Variants in KCNMB3 observed in about 807,000 individuals in gnomAD.
The protein encoded by KCNMB3 is potassium calcium-activated channel subfamily M regulatory beta subunit 3, also known as calcium-activated potassium channel subunit beta-3.
KCNMB3 carries 18 observed loss-of-function variants against 11.9 expected under a neutral mutation model. That is an observed-to-expected ratio of 1.51 (90% CI 1.04 to 2.23). KCNMB3 has a LOEUF of 2.23. Among genes scored for constraint, KCNMB3 ranks in the 30% most tolerant of loss-of-function variants. The pLI is 0.00. For synonymous variants in KCNMB3, 78 were observed against 119.2 expected, an observed-to-expected ratio of 0.65 and a Z score of 2.25; for missense variants, 247 against 329.4, an observed-to-expected ratio of 0.75 and a Z score of 1.94.
At chr3:179,265,368 C>G (rs953116180) in intron 1 of KCNMB3, among the ~76,000 whole-genome samples, 2 of 152,136 alleles carry the variant, frequency 1.3e-5, no homozygotes, top group African/African-American at 4.8e-5. Flanking sequence ...TTTTCCAATT[C>G]TCAGCTCCCA....
intron 1 of KCNMB3, chr3:179,261,325 C>A: frequency 8.3e-7 from 1 of 1,203,126 alleles, no homozygotes. Context: ...GGGACCGTGC[C>A]GGAGCCCCCC....
Position 179,259,440 on chromosome 3 carries a change from T to TC in KCNMB3, c.62+7208dup, listed in dbSNP as rs552145604. ...TAATGTGTCTCTACCAGCTAGTACC[T>TC]CCTCAGCTGCTGTTTTTACATCATT... On this transcript the variant is annotated intron_variant, in intron 1 of 3. Transcript: ENST00000349697. 493 of 1,611,882 alleles carry TC rather than the reference T, an allele frequency of 3.1e-4. 5 individuals are homozygous for TC. In the African/African-American group the frequency reaches 5.8e-3, roughly 19 times the overall value.
intron 1 of KCNMB3, chr3:179,259,740 C>T: frequency 1.3e-6 from 2 of 1,595,706 alleles, no homozygotes; most frequent in South Asian, 1.2e-5. Flanking sequence ...CTTGTTCTTT[C>T]TCTTCTGCAA....
upstream of KCNMB3, among the ~76,000 whole-genome samples, chr3:179,255,908 A>G (rs1260770918): frequency 6.6e-6 from 1 of 152,256 alleles, no homozygotes; most frequent in Non-Finnish European, 1.5e-5. Flanking sequence ...AATATTATCA[A>G]TATACTGAGA....
chr3:179,266,623 C>G, intron 1 of KCNMB3: 1 of 1,613,578 alleles, frequency 6.2e-7, no homozygotes, highest in Non-Finnish European at 8.5e-7. Flanking sequence ...TTCCCACTAC[C>G]GGCAGAGCTT....
chr3:179,242,048 A>G (rs534004396), downstream of KCNMB3: 4 of 154,088 alleles, frequency 2.6e-5, no homozygotes, highest in East Asian at 7.7e-4. Context: ...TAGTAACTCT[A>G]AACTTAGTGA....
At chr3:179,261,762 A>G (rs1354179117) in intron 1 of KCNMB3, among the ~76,000 whole-genome samples, 2 of 152,218 alleles carry the variant, frequency 1.3e-5, no homozygotes, top group Non-Finnish European at 2.9e-5. Flanking sequence ...TCATGAGGGT[A>G]AATAGCTAAT....
At chr3:179,264,090 T>G (rs1726306509) in intron 1 of KCNMB3, among the ~76,000 whole-genome samples, 1 of 152,102 alleles carries the variant, frequency 6.6e-6, no homozygotes, top group Non-Finnish European at 1.5e-5. Context: ...ATAGGCATAA[T>G]CCACCGCACC....
intron 1 of KCNMB3, among the ~76,000 whole-genome samples, chr3:179,263,722 T>G (rs573545341): frequency 1.8e-4 from 28 of 152,170 alleles, no homozygotes; most frequent in African/African-American, 6.7e-4. Context: ...CTTGGTTTGC[T>G]GGGTTAATCC....
upstream of KCNMB3, chr3:179,267,039 G>T: frequency 1.7e-6 from 1 of 595,856 alleles, no homozygotes; most frequent in Non-Finnish European, 2.2e-6. Flanking sequence ...TTCCGCCTCG[G>T]CAGCCGGGAG....
chr3:179,254,779 C>A (rs1034570584), upstream of KCNMB3, among the ~76,000 whole-genome samples: 1 of 151,900 alleles, frequency 6.6e-6, no homozygotes, highest in African/African-American at 2.4e-5. Context: ...TCCAGCCTAG[C>A]GACAGAGCAA....
upstream of KCNMB3, among the ~76,000 whole-genome samples, chr3:179,256,070 A>G (rs532336452): frequency 7.2e-4 from 110 of 152,368 alleles, 2 homozygotes; most frequent in Middle Eastern, 3.4e-3. Context: ...GGCAGAACGA[A>G]AAAAATCCAG....
intron 1 of KCNMB3, chr3:179,260,620 G>T: frequency 7.2e-7 from 1 of 1,385,334 alleles, no homozygotes; most frequent in Non-Finnish European, 1.0e-6. Context: ...TAGGATCTTG[G>T]TATCAAACAT....
rs775438442 is a variant in KCNMB3 at position 179,250,784 on chromosome 3, G to T, written c.207C>A (p.Phe69Leu). Residue 69 changes from phenylalanine to leucine, a missense_variant, in exon 1 of 3, where the codon TTC becomes TTA. Phe to Leu is a conservative substitution (Grantham distance 22). Transcript: ENST00000392685. ...TTAGAATGGTTGTTCCGAGCAAGAAGAACATTAGGACTGAGAAGCCCATCA... is the reference window on the plus strand; with the variant it reads ...TTAGAATGGTTGTTCCGAGCAAGAATAACATTAGGACTGAGAAGCCCATCA... ...FAMMGFSVLM[F>L]FLLGTTILKP... is the part of the protein sequence containing the mutation. 2 of 1,614,160 alleles carry T rather than the reference G, an allele frequency of 1.2e-6. No individual in the cohort carries two copies. Among genetic ancestry groups the T allele is most frequent in the Non-Finnish European group, 1.7e-6 (2 of 1,180,030 alleles).
At chr3:179,258,591 T>G (rs1306333647) in intron 1 of KCNMB3, among the ~76,000 whole-genome samples, 1 of 152,242 alleles carries the variant, frequency 6.6e-6, no homozygotes, top group Non-Finnish European at 1.5e-5. Context: ...GAACAAGACA[T>G]TAATTTAAAT....
intron 1 of KCNMB3, among the ~76,000 whole-genome samples, chr3:179,265,799 T>C (rs1372526969): frequency 6.6e-6 from 1 of 152,176 alleles, no homozygotes; most frequent in Non-Finnish European, 1.5e-5. Flanking sequence ...CCCTCAGGCA[T>C]CACTCTTCTC....
upstream of KCNMB3, among the ~76,000 whole-genome samples, chr3:179,254,881 A>G (rs1434534838): frequency 6.6e-6 from 1 of 152,136 alleles, no homozygotes; most frequent in Non-Finnish European, 1.5e-5. Flanking sequence ...AAAACACACA[A>G]CAGCCAGGCG....
chr3:179,243,602 C>T (rs564577005), intron 2 of KCNMB3, among the ~76,000 whole-genome samples: 2 of 152,300 alleles, frequency 1.3e-5, no homozygotes, highest in South Asian at 4.1e-4. Flanking sequence ...AGTATGAATC[C>T]GTTTGTCCAT....
chr3:179,259,323 G>A (rs2160756), intron 1 of KCNMB3: 1 of 1,560,468 alleles, frequency 6.4e-7, no homozygotes, highest in Non-Finnish European at 8.6e-7. Context: ...AGTGGCACCA[G>A]CTATTTTAGC....
Sources: gnomAD v4.1 joint callset for allele counts (sites outside exome capture counted in the v4.1 genomes callset) on GRCh38, gnomAD v4.1.1 for gene constraint, MANE v1.5 for transcripts, NCBI Gene and HGNC (gene_info 2026-07-23, HGNC 2026-07-21) for gene names.